Variants in MXRA7 observed in about 807,000 individuals in gnomAD.
MXRA7 encodes the protein matrix-remodeling-associated protein 7.
A neutral mutation model predicts 17.4 loss-of-function variants in MXRA7; 18 were observed. That is an observed-to-expected ratio of 1.03 (90% CI 0.71 to 1.53). MXRA7 has a LOEUF of 1.53. Ranked by LOEUF, MXRA7 falls within the 40% of genes most tolerant of loss-of-function variation. The pLI is 0.00. For synonymous variants in MXRA7, 70 were observed against 101.7 expected, an observed-to-expected ratio of 0.69 and a Z score of 1.87; for missense variants, 141 against 209.3, an observed-to-expected ratio of 0.67 and a Z score of 2.01.
intron 1 of MXRA7, chr17:76,688,845 T>C (rs1349711930): frequency 9.4e-6 from 4 of 424,138 alleles, no homozygotes; most frequent in Non-Finnish European, 1.6e-5. Context: ...GGAGGGGACA[T>C]GGGAGCCCCA....
In MXRA7 at chr17:76,681,513, A is replaced by G. The variant is rs2076303334; in HGVS notation, c.501-634T>C. ...TAGTTTCTTGCATACATCAGATGGAAGAACCAGAACTACCCCACAGCTGGG... is the reference window on the plus strand; with the variant it reads ...TAGTTTCTTGCATACATCAGATGGAGGAACCAGAACTACCCCACAGCTGGG... On this transcript the variant is annotated intron_variant, in intron 3 of 3. Coordinates refer to ENST00000449428, the MANE Select transcript of MXRA7 (RefSeq NM_198530.4). This position sits in a 1 kb window ranked among gnomAD's most constrained non-coding sequence, Gnocchi z 4.7. Among the ~76,000 whole-genome samples the G allele has an allele frequency of 1.3e-5, 2 of 152,200 alleles. No homozygotes were observed. The highest frequency in any genetic ancestry group is 2.9e-5 in the Non-Finnish European group (2 of 68,034).
chr17:76,688,414 C>G, intron 1 of MXRA7: 3 of 1,397,536 alleles, frequency 2.1e-6, no homozygotes, highest in Non-Finnish European at 2.8e-6. Flanking sequence ...CTGTGCACCC[C>G]AAGCCCTCGG....
At chr17:76,698,533 T>C (rs557069114) in intron 1 of MXRA7, among the ~76,000 whole-genome samples, 8 of 152,146 alleles carry the variant, frequency 5.3e-5, no homozygotes, top group African/African-American at 1.9e-4. Context: ...GGCTCCACTC[T>C]CTAAATCCGT....
chr17:76,710,457 C>T, intron 1 of MXRA7, 148 bp downstream of exon 1: 1 of 600,444 alleles, frequency 1.7e-6, no homozygotes, highest in Non-Finnish European at 2.4e-6. Context: ...ATGGCGGGAC[C>T]TGCATTTCCT....
rs538277822 is a variant in MXRA7 at position 76,703,129 on chromosome 17, C to T, written c.342+7476G>A. On this transcript the variant is annotated intron_variant, in intron 1 of 3. Transcript: ENST00000449428. ...CTTGTCTCAAAACAGCAAGATTTAT[C>T]TCAGACTCTGAGTCCTCAGCAAATA... is the stretch of plus-strand genomic sequence containing the variant. Among the ~76,000 whole-genome samples the T allele has an allele frequency of 6.6e-5, 10 of 151,900 alleles. 1 individual carries two copies. Among genetic ancestry groups the T allele is most frequent in the East Asian group, 3.9e-4 (2 of 5,130 alleles).
chr17:76,683,613 C>T (rs1042409601), intron 3 of MXRA7, among the ~76,000 whole-genome samples: 1 of 152,230 alleles, frequency 6.6e-6, no homozygotes, highest in Non-Finnish European at 1.5e-5. Context: ...ATTAGGCCCC[C>T]TCCAGGAACT....
intron 1 of MXRA7, among the ~76,000 whole-genome samples, chr17:76,706,666 CA>C (rs768841534): frequency 1.4e-5 from 2 of 146,162 alleles, no homozygotes; most frequent in Non-Finnish European, 3.1e-5. Context: ...TCAGGGGAAC[CA>C]GGGCCAAGTC....
chr17:76,696,020 A>G (rs963093926), intron 1 of MXRA7, among the ~76,000 whole-genome samples: 21 of 152,056 alleles, frequency 1.4e-4, no homozygotes, highest in African/African-American at 5.1e-4. Flanking sequence ...TCTTGAACCC[A>G]GGAGGCGGAG....
At position 76,680,698 on chromosome 17, in the gene MXRA7, C is replaced by T; in HGVS notation, c.*169G>A. 5.5e-6 allele frequency: 8 copies of T among 1,443,144 alleles called. No homozygotes were observed. Among genetic ancestry groups the T allele is most frequent in the Non-Finnish European group, 7.3e-6 (8 of 1,097,152 alleles). The allele number at this position is 1,443,144 out of a possible 1,614,324, so 89.4% of individuals were successfully genotyped here. A position where few individuals can be genotyped will look rare whatever the true frequency, so the allele number is the denominator to read the frequency against. ...GGCCAAAGGTGTTCCCAGGATCCTGCTAGCCAAGGGACAAGTCCTGATTGA... is the reference window on the plus strand; with the variant it reads ...GGCCAAAGGTGTTCCCAGGATCCTGTTAGCCAAGGGACAAGTCCTGATTGA... On this transcript the variant is annotated 3_prime_UTR_variant, in exon 4 of 4. Transcript: ENST00000449428.
chr17:76,680,684 T>C lies in MXRA7; in HGVS notation c.*183A>G, dbSNP rs2076290787. ...TCTACACAGGGCAGGGCCAAAGGTGTTCCCAGGATCCTGCTAGCCAAGGGA... is the reference window on the plus strand; with the variant it reads ...TCTACACAGGGCAGGGCCAAAGGTGCTCCCAGGATCCTGCTAGCCAAGGGA... On this transcript the variant is annotated 3_prime_UTR_variant, in exon 4 of 4. Coordinates refer to ENST00000449428, the MANE Select transcript of MXRA7 (RefSeq NM_198530.4). 3 of 1,439,718 alleles carry C rather than the reference T, an allele frequency of 2.1e-6. No homozygotes were observed. The highest frequency in any genetic ancestry group is 1.8e-6 in the Non-Finnish European group (2 of 1,095,328). The allele number at this position is 1,439,718 out of a possible 1,614,324, so 89.2% of individuals were successfully genotyped here.
At chr17:76,675,153 CT>C (rs2076230174), downstream of MXRA7, 1 of 152,182 alleles carries the variant, frequency 6.6e-6, no homozygotes, top group Non-Finnish European at 1.5e-5. Context: ...CTTCAGTTTA[CT>C]TTTCCCAATG....
At chr17:76,684,702 T>C (rs187139808) in intron 3 of MXRA7, 64 of 451,804 alleles carry the variant, frequency 1.4e-4, no homozygotes, top group African/African-American at 9.9e-4. Flanking sequence ...ATCAGCTCTG[T>C]TGGGGACTGT....
chr17:76,707,808 A>G (rs2076678512), intron 1 of MXRA7, among the ~76,000 whole-genome samples: 1 of 152,148 alleles, frequency 6.6e-6, no homozygotes, highest in African/African-American at 2.4e-5. Context: ...CCCAACCTAC[A>G]CAGGAGCACC....
chr17:76,705,334 A>AT (rs1390018314), intron 1 of MXRA7, among the ~76,000 whole-genome samples: 4 of 152,222 alleles, frequency 2.6e-5, no homozygotes, highest in African/African-American at 7.2e-5. Context: ...AACTCTACTT[A>AT]CAGCCCTCCA....
At chr17:76,684,462 G>A (rs2076358110) in intron 3 of MXRA7, among the ~76,000 whole-genome samples, 1 of 152,182 alleles carries the variant, frequency 6.6e-6, no homozygotes, top group African/African-American at 2.4e-5. Context: ...GTCCCACTGT[G>A]CCCAGCGCAC....
exon 4 of MXRA7, chr17:76,672,827 A>G (rs2076212440): frequency 6.6e-6 from 1 of 152,218 alleles, no homozygotes; most frequent in South Asian, 2.1e-4. Context: ...TAAAATTGAT[A>G]GCGTAAATGG....
intron 2 of MXRA7, among the ~76,000 whole-genome samples, chr17:76,686,355 C>A (rs2076397240): frequency 6.6e-6 from 1 of 152,158 alleles, no homozygotes; most frequent in South Asian, 2.1e-4. Flanking sequence ...TGGCAGGCGC[C>A]TGTAATCCCA....
downstream of MXRA7, chr17:76,677,542 T>G: frequency 1.5e-6 from 2 of 1,340,242 alleles, no homozygotes; most frequent in Non-Finnish European, 2.1e-6. Flanking sequence ...GGGGCAAGGG[T>G]GGGGACAGCA....
chr17:76,704,168 T>C (rs918230236), intron 1 of MXRA7, among the ~76,000 whole-genome samples: 7 of 149,678 alleles, frequency 4.7e-5, no homozygotes, highest in Non-Finnish European at 8.9e-5. Context: ...ATGACTAGAA[T>C]GACTGCTGCA....
Sources: allele counts gnomAD v4.1 joint callset (sites outside exome capture counted in the v4.1 genomes callset), GRCh38; gene constraint gnomAD v4.1.1; non-coding constraint Gnocchi (gnomAD v3.1); transcripts MANE v1.5; gene names NCBI Gene and HGNC (gene_info 2026-07-23, HGNC 2026-07-21).